MGAT4C: variants seen among roughly 807,000 people sequenced by gnomAD.
MGAT4C encodes alpha-1,3-mannosyl-glycoprotein 4-beta-N-acetylglucosaminyltransferase C.
Under a neutral mutation model 40.1 loss-of-function variants are expected in MGAT4C, and 19 were observed. The observed-to-expected ratio is 0.47, with a 90% CI of 0.33 to 0.70. The LOEUF is 0.70. MGAT4C is among the 30% of genes least tolerant of loss of function. MGAT4C has a pLI of 0.02. For synonymous variants in MGAT4C, 181 were observed against 187.1 expected, an observed-to-expected ratio of 0.97 and a Z score of 0.27; for missense variants, 491 against 563.2, an observed-to-expected ratio of 0.87 and a Z score of 1.30.
At chr12:86,497,348 A>T (rs1052531931) in intron 2 of MGAT4C, among the ~76,000 whole-genome samples, 1 of 151,990 alleles carries the variant, frequency 6.6e-6, no homozygotes, top group Non-Finnish European at 1.5e-5. Context: ...ATGCTTTGAC[A>T]AGGAGAAGAA....
chr12:86,071,170 T>A (rs1373244650), intron 1 of MGAT4C, among the ~76,000 whole-genome samples: 5 of 152,056 alleles, frequency 3.3e-5, no homozygotes, highest in Admixed American at 3.3e-4. Flanking sequence ...AGCCAGAAGC[T>A]ATTCAATTTT....
intron 1 of MGAT4C, among the ~76,000 whole-genome samples, chr12:86,101,834 G>A (rs1009502023): frequency 6.6e-6 from 1 of 151,874 alleles, no homozygotes; most frequent in Non-Finnish European, 1.5e-5. Flanking sequence ...AGATTTAAAG[G>A]CTATGCATTA....
chr12:86,434,999 A>G (rs138323611), intron 3 of MGAT4C, among the ~76,000 whole-genome samples: 6 of 152,126 alleles, frequency 3.9e-5, no homozygotes, highest in African/African-American at 1.4e-4. Context: ...TTGCTATAAC[A>G]TAAAGGCACA....
chr12:86,712,744 T>G (rs1279947665), intron 2 of MGAT4C, among the ~76,000 whole-genome samples: 1 of 152,040 alleles, frequency 6.6e-6, no homozygotes, highest in Non-Finnish European at 1.5e-5. Context: ...TCAAGTCAGG[T>G]ACCAGGAAGG....
intron 2 of MGAT4C, among the ~76,000 whole-genome samples, chr12:86,004,930 CAG>C (rs1282561159): frequency 6.6e-6 from 1 of 152,176 alleles, no homozygotes; most frequent in Admixed American, 6.5e-5. Context: ...GACCAAGAAA[CAG>C]GGACTGAATT....
At chr12:86,806,064 C>G (rs556467181) in intron 1 of MGAT4C, among the ~76,000 whole-genome samples, 3 of 151,554 alleles carry the variant, frequency 2.0e-5, no homozygotes, top group African/African-American at 7.2e-5. Context: ...GTTAAGAATC[C>G]TGGTTTCTAC....
chr12:86,561,141 TA>T (rs2136408743), intron 2 of MGAT4C, among the ~76,000 whole-genome samples: 2 of 152,246 alleles, frequency 1.3e-5, no homozygotes, highest in East Asian at 3.9e-4. Flanking sequence ...TATATATTGT[TA>T]AAAAACATAT....
At chr12:86,303,486 A>G (rs1953862474) in intron 4 of MGAT4C, among the ~76,000 whole-genome samples, 2 of 150,242 alleles carry the variant, frequency 1.3e-5, no homozygotes, top group East Asian at 2.0e-4. Flanking sequence ...ACCTTGAGTC[A>G]GATCTTATAC....
chr12:86,165,953 A>G (rs1312297129), intron 1 of MGAT4C, among the ~76,000 whole-genome samples: 1 of 152,172 alleles, frequency 6.6e-6, no homozygotes, highest in Non-Finnish European at 1.5e-5. Context: ...ATGCTTGTAG[A>G]TTATTGCATA....
At chr12:86,703,902 T>C (rs1400753851) in intron 2 of MGAT4C, among the ~76,000 whole-genome samples, 1 of 152,178 alleles carries the variant, frequency 6.6e-6, no homozygotes, top group Non-Finnish European at 1.5e-5. Flanking sequence ...TCAGGATTTA[T>C]GGGAGACAGA....
At chr12:86,517,728 T>C (rs1014262434) in intron 2 of MGAT4C, among the ~76,000 whole-genome samples, 2 of 152,104 alleles carry the variant, frequency 1.3e-5, no homozygotes, top group Non-Finnish European at 2.9e-5. Context: ...TCACTGCAAG[T>C]TCCGCCTCCC....
At chr12:86,174,132 C>T (rs1275649433) in intron 1 of MGAT4C, among the ~76,000 whole-genome samples, 4 of 150,456 alleles carry the variant, frequency 2.7e-5, no homozygotes, top group African/African-American at 7.4e-5. Flanking sequence ...CATACACACA[C>T]ACACACACAC....
rs1166431572 is a variant in MGAT4C, at chr12:86,420,811, ATG to A, written c.-120+14344_-120+14345del. Reference sequence around the variant, plus strand: ...TATATATATACACACACACATATATATGTGTGTGTGTGTATGTATACATACAC... The same window carrying A: ...TATATATATACACACACACATATATATGTGTGTGTGTATGTATACATACAC... On this transcript the variant is annotated intron_variant, in intron 3 of 7. Coordinates refer to the MGAT4C transcript ENST00000548651. Among the ~76,000 whole-genome samples the A allele has an allele frequency of 2.9e-4, 43 of 148,742 alleles. 1 individual carries two copies. The highest frequency in any genetic ancestry group is 2.2e-3 in the East Asian group (11 of 5,084).
At chr12:86,057,051 C>T (rs1893472765) in intron 1 of MGAT4C, among the ~76,000 whole-genome samples, 1 of 151,994 alleles carries the variant, frequency 6.6e-6, no homozygotes, top group African/African-American at 2.4e-5. Context: ...TAATATCAAA[C>T]TAGTTGAACT....
chr12:86,823,928 C>T (rs1469189254), intron 1 of MGAT4C, among the ~76,000 whole-genome samples: 1 of 151,188 alleles, frequency 6.6e-6, no homozygotes, highest in Non-Finnish European at 1.5e-5. Context: ...TATAGTAATC[C>T]TCCCTTATGC....
chr12:86,464,476 A>AGTC (rs1565779946), intron 2 of MGAT4C, among the ~76,000 whole-genome samples: 2 of 152,130 alleles, frequency 1.3e-5, no homozygotes, highest in African/African-American at 4.8e-5. Flanking sequence ...GTAACCTTAT[A>AGTC]TTTGATTATA....
intron 4 of MGAT4C, among the ~76,000 whole-genome samples, chr12:86,262,866 T>A (rs1468093855): frequency 1.3e-5 from 2 of 152,114 alleles, no homozygotes; most frequent in Non-Finnish European, 2.9e-5. Flanking sequence ...TTACTTATTA[T>A]TTGTACTTCC....
At chr12:86,008,555 T>C (rs1330974359) in intron 2 of MGAT4C, among the ~76,000 whole-genome samples, 1 of 152,104 alleles carries the variant, frequency 6.6e-6, no homozygotes. Context: ...TTTAATATTT[T>C]TTTCCAATCT....
chr12:86,459,245 G>A (rs1957555721), intron 2 of MGAT4C, among the ~76,000 whole-genome samples: 1 of 152,068 alleles, frequency 6.6e-6, no homozygotes, highest in Admixed American at 6.6e-5. Flanking sequence ...TCCTGCTCCT[G>A]GTGTGACACA....
Sources: gnomAD v4.1 joint callset for allele counts (sites outside exome capture counted in the v4.1 genomes callset) on GRCh38, gnomAD v4.1.1 for gene constraint, MANE v1.5 for transcripts, NCBI Gene and HGNC (gene_info 2026-07-23, HGNC 2026-07-21) for gene names.